The following ATM variants were observed in gnomAD, a reference collection of about 807,000 sequenced individuals.
ATM encodes the protein ATM serine/threonine kinase.
ATM carries 308 observed loss-of-function variants against 387.0 expected under a neutral mutation model. The observed-to-expected ratio is 0.80, with a 90% CI of 0.73 to 0.87. ATM has a LOEUF of 0.87. Ranked by LOEUF, ATM falls within the 40% of genes least tolerant of loss-of-function variation. The pLI is 0.00. For synonymous variants in ATM, 1,156 were observed against 1,187.3 expected (o/e 0.97, Z 0.54); for missense variants, 3,312 against 3,560.9 (o/e 0.93, Z 1.78).
chr11:108,354,060 CACACACACAA>C (rs1306875559), intron 60 of ATM, among the ~76,000 whole-genome samples, 180 bp downstream of exon 60: 186 of 105,356 alleles, frequency 1.8e-3, no homozygotes, highest in Non-Finnish European at 2.5e-3. Flanking sequence ...TAAAAAAATA[CACACACACAA>C]ACACACACAC....
chr11:108,301,107 C>T (rs2083407713), intron 34 of ATM, among the ~76,000 whole-genome samples: 1 of 152,058 alleles, frequency 6.6e-6, no homozygotes, highest in African/African-American at 2.4e-5. Flanking sequence ...ATATCAAGCA[C>T]AGTTTTTGAA....
chr11:108,266,419 G>C (rs138345692), intron 16 of ATM, among the ~76,000 whole-genome samples: 1 of 149,116 alleles, frequency 6.7e-6, no homozygotes, highest in Non-Finnish European at 1.5e-5. Flanking sequence ...CTCACTCATA[G>C]GTGGGAATTG....
chr11:108,362,683 G>T (rs1460401786), intron 61 of ATM, among the ~76,000 whole-genome samples: 1 of 146,852 alleles, frequency 6.8e-6, no homozygotes, highest in Non-Finnish European at 1.5e-5. Context: ...ATCATTCTCA[G>T]TAAACTATCG....
chr11:108,332,111 C>T (rs2136535206), intron 52 of ATM, 74 bp downstream of exon 52: 2 of 1,562,938 alleles, frequency 1.3e-6, no homozygotes, highest in Non-Finnish European at 1.7e-6. Context: ...TTTTTAAAAT[C>T]TTGTGTTATT....
intron 16 of ATM, among the ~76,000 whole-genome samples, chr11:108,261,304 C>T (rs1276731142): frequency 6.6e-6 from 1 of 152,192 alleles, no homozygotes; most frequent in Non-Finnish European, 1.5e-5. Flanking sequence ...GGCAGACTGC[C>T]TCCTCAAGTG....
chr11:108,342,867 T>A (rs774825525), intron 56 of ATM, among the ~76,000 whole-genome samples: 5 of 152,162 alleles, frequency 3.3e-5, no homozygotes, highest in Non-Finnish European at 7.4e-5. Flanking sequence ...CCAAATTTAA[T>A]TGATACTAAA....
At chr11:108,308,974 C>A (rs1054724812) in intron 38 of ATM, 4 of 1,513,930 alleles carry the variant, frequency 2.6e-6, no homozygotes, top group African/African-American at 2.8e-5. Flanking sequence ...TTCAGACTTA[C>A]CATTGGGGTA....
chr11:108,257,406 C>G (rs986459671), intron 14 of ATM, 75 bp from the exon 15 acceptor site: 5 of 1,551,380 alleles, frequency 3.2e-6, no homozygotes, highest in African/African-American at 2.7e-5. Flanking sequence ...TGTCCAAGAT[C>G]AAAGTACACT....
chr11:108,226,063 C>G (rs1286898714), intron 1 of ATM: 1 of 152,070 alleles, frequency 6.6e-6, no homozygotes, highest in Non-Finnish European at 1.5e-5. Flanking sequence ...TACAGACATT[C>G]ATAGTTTAAT....
In ATM at chr11:108,347,266, C is replaced by G. The variant is rs2137077094; in HGVS notation, c.8585-13C>G. On this transcript the variant is annotated splice_polypyrimidine_tract_variant and intron_variant, in intron 58 of 62. Transcript: ENST00000675843. The stretch of plus-strand genomic sequence containing the variant: ...ATCAGTGATTTCAGATTGTTTGTTT[C>G]TTTTTTCTCCAGTTGGTTACATACT... The G allele has an allele frequency of 6.3e-7, 1 of 1,579,106 alleles. No homozygotes were observed. Among genetic ancestry groups the G allele is most frequent in the Middle Eastern group, 1.7e-4 (1 of 6,000 alleles).
Position 108,253,927 on chromosome 11 carries a change from T to A in ATM, c.2012T>A (p.Ile671Lys), listed in dbSNP as rs750897021. ...DFLTIVRECGIEKHQSSIGFS... is the reference protein window; with the variant it reads ...DFLTIVRECGKEKHQSSIGFS... Reference sequence around the variant, plus strand: ...TTAACCATTGTGAGAGAATGTGGTATAGAAAAGCACCAGTCCAGTATTGGC... The same window carrying A: ...TTAACCATTGTGAGAGAATGTGGTAAAGAAAAGCACCAGTCCAGTATTGGC... The change falls in exon 13 of 63, where the codon ATA (isoleucine) becomes AAA (lysine). Residue 671 changes from isoleucine to lysine, a missense_variant. Ile to Lys is a moderately radical substitution (Grantham distance 102). This residue lies in a region of ATM where 1,791 missense variants were observed against 1,804.5 expected (regional missense o/e 0.99). Coordinates refer to ENST00000675843, the MANE Select transcript of ATM (RefSeq NM_000051.4). 3.7e-6 allele frequency: 6 copies of A among 1,614,106 alleles called. No homozygotes were observed. The Admixed American group carries it at 6.7e-5, about 18-fold the overall frequency.
At chr11:108,330,091 GTTTGC>G (rs2086094290) in intron 49 of ATM, 118 bp from the exon 50 acceptor site, 3 of 972,256 alleles carry the variant, frequency 3.1e-6, no homozygotes, top group South Asian at 1.4e-5. Context: ...ATCCTTAGAA[GTTTGC>G]TTTTTTCCCT....
chr11:108,326,264 T>TA (rs2136343485), intron 47 of ATM, 39 bp downstream of exon 47: 2 of 1,610,628 alleles, frequency 1.2e-6, no homozygotes, highest in Non-Finnish European at 1.7e-6. Context: ...GTTTTACTGT[T>TA]ATTTAAAAAA....
At position 108,335,031 on chromosome 11, in the gene ATM, C is replaced by G. The variant is rs1215882325; in HGVS notation, c.8073C>G (p.Arg2691=). 2 of 1,613,964 alleles carry G rather than the reference C, an allele frequency of 1.2e-6. No homozygotes were observed. Among genetic ancestry groups the G allele is most frequent in the African/African-American group, 2.7e-5 (2 of 75,024 alleles). The part of the protein sequence containing the change: ...VTIQSFKAEF[R]LAGGVNLPKI... ...TACAGTCATTTAAAGCAGAATTTCG[C>G]TTAGCAGGAGGTGTAAATTTACCAA... is the stretch of plus-strand genomic sequence containing the variant. The change falls in exon 55 of 63, where the codon CGC becomes CGG. Residue 2691 remains arginine (R), a synonymous_variant. Coordinates refer to ENST00000675843, the MANE Select transcript of ATM (RefSeq NM_000051.4).
rs71047689 is a variant in ATM, at chr11:108,354,070, AACACACACACACAC to A, written c.8786+213_8786+226del. ...GTATCTAAAAAAATACACACACACA[AACACACACACACAC>A]ACACACACACACACACACACACGGG... On this transcript the variant is annotated intron_variant, in intron 60 of 62. Coordinates refer to ENST00000675843, the MANE Select transcript of ATM (RefSeq NM_000051.4). Among the ~76,000 whole-genome samples the A allele has an allele frequency of 2.3e-3, 268 of 114,946 alleles. 2 individuals are homozygous for A. Among genetic ancestry groups the A allele is most frequent in the African/African-American group, 7.6e-3 (258 of 33,844 alleles). 75.4% of individuals were successfully genotyped at this position (114,946 alleles called of 152,430 possible).
chr11:108,314,692 A>G (rs1055540541), intron 40 of ATM, among the ~76,000 whole-genome samples: 7 of 152,136 alleles, frequency 4.6e-5, no homozygotes, highest in African/African-American at 1.7e-4. Context: ...TTAGTAGTCA[A>G]AAGTTAACTA....
chr11:108,275,075 G>C (rs1257846043), intron 22 of ATM, among the ~76,000 whole-genome samples: 1 of 152,168 alleles, frequency 6.6e-6, no homozygotes, highest in Non-Finnish European at 1.5e-5. Flanking sequence ...ATATATTTAG[G>C]ATAGTTAGCA....
rs1565356801 is a variant in ATM at position 108,235,728 on chromosome 11, T to G, written c.390T>G (p.Asp130Glu). ...ATTATATCATGGATACAGTGAAAGA[T>G]TCATCTAATGGTGCTATTTACGGAG... ...LLNYIMDTVK[D>E]SSNGAIYGAD... Residue 130 changes from aspartate to glutamate, a missense_variant, in exon 5 of 63, where the codon GAT (aspartate) becomes GAG (glutamate). Asp to Glu is a conservative substitution (Grantham distance 45). Around this residue, in one of 4 missense-constraint regions of ATM, gnomAD observed 1,791 missense variants for 1,804.5 expected, o/e 0.99. Coordinates refer to ENST00000675843, the MANE Select transcript of ATM (RefSeq NM_000051.4). 6.2e-7 allele frequency: 1 copy of G among 1,612,676 alleles called. No homozygotes were observed. Among genetic ancestry groups the G allele is most frequent in the Admixed American group, 1.7e-5 (1 of 60,018 alleles).
At chr11:108,268,152 A>G (rs142713823) in intron 17 of ATM, among the ~76,000 whole-genome samples, 55 of 151,560 alleles carry the variant, frequency 3.6e-4, no homozygotes, top group Middle Eastern at 3.4e-3. Context: ...ATTCTTTTCT[A>G]TTTTCCTACA....
Sources: allele counts gnomAD v4.1 joint callset (sites outside exome capture counted in the v4.1 genomes callset), GRCh38; gene constraint gnomAD v4.1.1; regional missense constraint gnomAD v4.1.1; transcripts MANE v1.5; gene names NCBI Gene and HGNC (gene_info 2026-07-23, HGNC 2026-07-21).